Variants in ST6GALNAC5 observed in about 807,000 individuals in gnomAD.
The protein encoded by ST6GALNAC5 is ST6 N-acetylgalactosaminide alpha-2,6-sialyltransferase 5.
Under a neutral mutation model 33.6 loss-of-function variants are expected in ST6GALNAC5, and 27 were observed. The observed-to-expected ratio is 0.80, with a 90% CI of 0.59 to 1.11. The LOEUF (loss-of-function observed/expected upper bound fraction) is 1.11. Ranked by LOEUF, ST6GALNAC5 falls within the 50% of genes least tolerant of loss-of-function variation. ST6GALNAC5 has a pLI of 0.00. For synonymous variants in ST6GALNAC5, 194 were observed against 171.2 expected (o/e 1.13, Z -1.04); for missense variants, 428 against 454.0 (o/e 0.94, Z 0.52).
intron 2 of ST6GALNAC5, among the ~76,000 whole-genome samples, chr1:76,978,634 G>A (rs945307662): frequency 6.6e-6 from 1 of 152,134 alleles, no homozygotes; most frequent in Admixed American, 6.5e-5. Flanking sequence ...CTTGAACACA[G>A]TAAAGGCCAC....
intron 2 of ST6GALNAC5, among the ~76,000 whole-genome samples, chr1:77,040,204 G>C (rs891422627): frequency 6.6e-6 from 1 of 152,190 alleles, no homozygotes; most frequent in African/African-American, 2.4e-5. Context: ...TTGTCCTTTG[G>C]AAGTGGGTCA....
chr1:77,043,507 G>T (rs1282095429), intron 2 of ST6GALNAC5, among the ~76,000 whole-genome samples: 10 of 152,178 alleles, frequency 6.6e-5, no homozygotes, highest in Admixed American at 6.5e-4. Context: ...TTATGTTTAT[G>T]AAAATGGGAC....
chr1:76,905,316 A>C lies in ST6GALNAC5; in HGVS notation c.261+36574A>C, dbSNP rs576427484. Among the ~76,000 whole-genome samples the C allele has an allele frequency of 5.9e-5, 9 of 152,272 alleles. No homozygotes were observed. The South Asian group carries it at 1.9e-3, about 32-fold the overall frequency. ...GGAAAGAGTAGATCCCTTCCAGCCT[A>C]GCCATTTCATTCTTATTGTCTTGGA... On this transcript the variant is annotated intron_variant, in intron 2 of 4. Transcript: ENST00000477717.
At chr1:77,014,610 A>T (rs987736349) in intron 2 of ST6GALNAC5, among the ~76,000 whole-genome samples, 1 of 152,210 alleles carries the variant, frequency 6.6e-6, no homozygotes, top group Non-Finnish European at 1.5e-5. Flanking sequence ...TCACCGGCCC[A>T]GGTCAGTAGA....
rs545502696 is a variant in ST6GALNAC5 at position 77,024,137 on chromosome 1, A to G, written c.262-20067A>G. ...GAAGCCAGGACCACAGCTTTATTCC[A>G]ACACCCTGCAGCTGACCCAATGTGC... On this transcript the variant is annotated intron_variant, in intron 2 of 4. Coordinates refer to ENST00000477717, the MANE Select transcript of ST6GALNAC5 (RefSeq NM_030965.3). Among the ~76,000 whole-genome samples the G allele has an allele frequency of 1.9e-3, 284 of 152,286 alleles. 1 individual carries two copies. The highest frequency in any genetic ancestry group is 3.5e-3 in the Admixed American group (54 of 15,288).
chr1:76,874,977 A>G (rs1030059435), intron 2 of ST6GALNAC5, among the ~76,000 whole-genome samples: 2 of 152,198 alleles, frequency 1.3e-5, no homozygotes, highest in Non-Finnish European at 2.9e-5. Context: ...CCCAAATACT[A>G]TTACAAAAAG....
At chr1:76,877,130 T>A (rs1015374295) in intron 2 of ST6GALNAC5, among the ~76,000 whole-genome samples, 6 of 152,332 alleles carry the variant, frequency 3.9e-5, no homozygotes, top group Middle Eastern at 3.4e-3. Context: ...AGCCAAATGA[T>A]CAGTTTCCAC....
At chr1:77,054,870 A>C (rs1652339874) in intron 4 of ST6GALNAC5, among the ~76,000 whole-genome samples, 1 of 152,130 alleles carries the variant, frequency 6.6e-6, no homozygotes, top group Non-Finnish European at 1.5e-5. Context: ...AGGAAGAAAG[A>C]TAGCATTGCA....
rs758817928 is a variant in ST6GALNAC5 at position 77,063,086 on chromosome 1, T to C, written c.891T>C (p.Phe297=). The change falls in exon 5 of 5, where the codon TTT becomes TTC. Residue 297 remains phenylalanine, a synonymous_variant. Coordinates refer to ENST00000477717, the MANE Select transcript of ST6GALNAC5 (RefSeq NM_030965.3). ...ERGRKGSHHR[F]ITEKRVFKNW... ...GACGCAAGGGCAGTCATCACCGCTT[T>C]ATCACAGAGAAACGAGTCTTTAAGA... 10 of 1,613,868 alleles carry C rather than the reference T, an allele frequency of 6.2e-6. No homozygotes were observed. The East Asian group carries it at 2.2e-4, about 36-fold the overall frequency.
In ST6GALNAC5 at chr1:77,067,482, CTAGTATAGTGCCT is replaced by C. The variant is rs1652822703; in HGVS notation, c.*4278_*4290del. ...TCTCCTTTGTCTCTGCAGCCTATACCTAGTATAGTGCCTTGCACACAATAGGTGCTCAATAAAT... is the reference window on the plus strand; with the variant it reads ...TCTCCTTTGTCTCTGCAGCCTATACCTGCACACAATAGGTGCTCAATAAAT... On this transcript the variant is annotated 3_prime_UTR_variant, in exon 5 of 5. Transcript: ENST00000477717. Among the ~76,000 whole-genome samples, 1 of 152,188 alleles carries C rather than the reference CTAGTATAGTGCCT, an allele frequency of 6.6e-6. No homozygotes were observed. The highest frequency in any genetic ancestry group is 2.4e-5 in the African/African-American group (1 of 41,436).
chr1:77,048,017 C>T (rs560944869), intron 3 of ST6GALNAC5, among the ~76,000 whole-genome samples: 3 of 152,308 alleles, frequency 2.0e-5, no homozygotes, highest in South Asian at 2.1e-4. Flanking sequence ...TTCTATAGCA[C>T]GTGACCCCAG....
At chr1:76,945,052 T>C (rs1647468181) in intron 2 of ST6GALNAC5, among the ~76,000 whole-genome samples, 1 of 152,040 alleles carries the variant, frequency 6.6e-6, no homozygotes, top group Admixed American at 6.6e-5. Flanking sequence ...GTCTGGGCAA[T>C]GCTAGAGTCA....
intron 2 of ST6GALNAC5, among the ~76,000 whole-genome samples, chr1:77,021,726 T>C (rs185068473): frequency 6.6e-6 from 1 of 152,354 alleles, no homozygotes; most frequent in East Asian, 1.9e-4. Context: ...CTCTAGTTGA[T>C]AGTGCTAGGT....
chr1:76,883,039 T>C (rs1653817568), intron 2 of ST6GALNAC5, among the ~76,000 whole-genome samples: 1 of 152,196 alleles, frequency 6.6e-6, no homozygotes, highest in Admixed American at 6.5e-5. Context: ...ACAACATCTA[T>C]GCAGAGTATA....
At chr1:76,886,601 G>A (rs186808001) in intron 2 of ST6GALNAC5, among the ~76,000 whole-genome samples, 12 of 152,058 alleles carry the variant, frequency 7.9e-5, no homozygotes, top group African/African-American at 1.4e-4. Context: ...TCATTTTGCC[G>A]CCTGAGCTCT....
chr1:76,924,412 A>G (rs1301639368), intron 2 of ST6GALNAC5, among the ~76,000 whole-genome samples: 1 of 152,166 alleles, frequency 6.6e-6, no homozygotes, highest in Admixed American at 6.5e-5. Context: ...ACACACAAGT[A>G]TCTTCTGAGT....
chr1:77,067,173 G>A lies in ST6GALNAC5; in HGVS notation c.*3967G>A, dbSNP rs1652807949. Among the ~76,000 whole-genome samples, 1 of 152,140 alleles carries A rather than the reference G, an allele frequency of 6.6e-6. No individual in the cohort carries two copies. Among genetic ancestry groups the A allele is most frequent in the African/African-American group, 2.4e-5 (1 of 41,426 alleles). ...TAATAAGCCCTGGGGGGCAGGATGT[G>A]TGAACCAATTGCCTAGGTGTTAGCA... On this transcript the variant is annotated 3_prime_UTR_variant, in exon 5 of 5. Transcript: ENST00000477717.
At chr1:77,056,831 C>A (rs1002879645) in intron 4 of ST6GALNAC5, among the ~76,000 whole-genome samples, 2 of 152,242 alleles carry the variant, frequency 1.3e-5, no homozygotes, top group Middle Eastern at 3.4e-3. Flanking sequence ...GTGCTCCATG[C>A]GCCTAGACAC....
At chr1:76,993,051 A>G (rs1164866589) in intron 2 of ST6GALNAC5, among the ~76,000 whole-genome samples, 1 of 152,106 alleles carries the variant, frequency 6.6e-6, no homozygotes, top group Non-Finnish European at 1.5e-5. Flanking sequence ...CTCACTTAGA[A>G]CTTGGATTCT....
Sources: allele counts gnomAD v4.1 joint callset (sites outside exome capture counted in the v4.1 genomes callset), GRCh38; gene constraint gnomAD v4.1.1; transcripts MANE v1.5; gene names NCBI Gene and HGNC (gene_info 2026-07-23, HGNC 2026-07-21).